Variants in MON1B observed in about 807,000 individuals in gnomAD.
The protein encoded by MON1B is MON1 vesicular trafficking associated B.
MON1B carries 26 observed loss-of-function variants against 45.1 expected under a neutral mutation model. That is an observed-to-expected ratio of 0.58 (90% CI 0.42 to 0.80). The LOEUF (loss-of-function observed/expected upper bound fraction) is 0.80, where lower values mean the gene tolerates loss of function less well. Among genes scored for constraint, MON1B ranks in the 30% least tolerant of loss-of-function variants. MON1B has a pLI of 0.00. For synonymous variants in MON1B, 395 were observed against 320.2 expected (o/e 1.23, Z -2.49); for missense variants, 737 against 754.5 (o/e 0.98, Z 0.27).
In MON1B at chr16:77,195,549, C is replaced by T. The variant is rs539419806; in HGVS notation, c.1310C>T (p.Ala437Val). 6 of 1,613,470 alleles carry T rather than the reference C, an allele frequency of 3.7e-6. No homozygotes were observed. In the Admixed American group the frequency reaches 5.0e-5, roughly 13 times the overall value. ...CATCATGGCAGCCCTGAGCTAGAGG[C>T]CCCCTACAGCAGAGAGGAGGAGCGG... ...LPQFTSPELEAPYSREEERQR... is the reference protein window; with the variant it reads ...LPQFTSPELEVPYSREEERQR... Residue 437 changes from alanine (A) to valine (V), a missense_variant, in exon 5 of 6, where the codon GCC becomes GTC. Ala to Val is a moderately conservative substitution (Grantham distance 64). Transcript: ENST00000248248.
Position 77,194,945 on chromosome 16 carries a change from C to G in MON1B, c.1086C>G (p.Ala362=). The G allele has an allele frequency of 6.2e-7, 1 of 1,613,814 alleles. No homozygotes were observed. The highest frequency in any genetic ancestry group is 1.1e-5 in the South Asian group (1 of 91,076). Residue 362 remains alanine (A), a synonymous_variant, in exon 4 of 6, where the codon GCC becomes GCG. Transcript: ENST00000248248. The surrounding 1 kb of genome is among the most constrained non-coding windows in gnomAD (Gnocchi z 8.1). The part of the protein sequence containing the change: ...LLGTQREAFH[A]MAACRRLVED... Reference sequence around the variant, plus strand: ...GCACCCAACGTGAAGCCTTCCATGCCATGGCCGCCTGCCGGCGCCTGGTTG... The same window carrying G: ...GCACCCAACGTGAAGCCTTCCATGCGATGGCCGCCTGCCGGCGCCTGGTTG...
rs1439108688 is a variant in MON1B, at chr16:77,193,868, C to T, written c.475+91C>T. 1 of 1,368,776 alleles carries T rather than the reference C, an allele frequency of 7.3e-7. No individual in the cohort carries two copies. Among genetic ancestry groups the T allele is most frequent in the Non-Finnish European group, 9.9e-7 (1 of 1,010,494 alleles). The allele number at this position is 1,368,776 out of a possible 1,614,324, so 84.8% of individuals were successfully genotyped here. On this transcript the variant is annotated intron_variant, in intron 3 of 5. Coordinates refer to ENST00000248248, the MANE Select transcript of MON1B (RefSeq NM_014940.4). This position sits in a 1 kb window ranked among gnomAD's most constrained non-coding sequence, Gnocchi z 5.0. ...CTGTCTGCCTCAGGCACTATCCAGCCAGCCAGGGTTGGGTCCATGTGTGTG... is the reference window on the plus strand; with the variant it reads ...CTGTCTGCCTCAGGCACTATCCAGCTAGCCAGGGTTGGGTCCATGTGTGTG...
chr16:77,193,569 T>G lies in MON1B; in HGVS notation c.267T>G (p.Pro89=), dbSNP rs2054634834. ...AAPENSPTCS[P]ESSSGGQGGD... The stretch of plus-strand genomic sequence containing the variant: ...CTGAGAATAGTCCCACATGTAGCCC[T>G]GAGAGTAGCTCTGGAGGCCAGGGCG... The change falls in exon 3 of 6, where the codon CCT becomes CCG. Residue 89 remains proline, a synonymous_variant. Coordinates refer to ENST00000248248, the MANE Select transcript of MON1B (RefSeq NM_014940.4). This position sits in a 1 kb window ranked among gnomAD's most constrained non-coding sequence, Gnocchi z 5.0. 1 of 1,613,910 alleles carries G rather than the reference T, an allele frequency of 6.2e-7. No homozygotes were observed. The highest frequency in any genetic ancestry group is 1.3e-5 in the African/African-American group (1 of 74,916).
chr16:77,194,996 C>G lies in MON1B; in HGVS notation c.1137C>G (p.Ala379=). The change falls in exon 4 of 6, where the codon GCC becomes GCG. Residue 379 remains alanine (A), a synonymous_variant. Coordinates refer to ENST00000248248, the MANE Select transcript of MON1B (RefSeq NM_014940.4). The surrounding 1 kb of genome is among the most constrained non-coding windows in gnomAD (Gnocchi z 8.1). Reference sequence around the variant, plus strand: ...AAGATGGGATGCATGCCCTTGGTGCCATGCGTGCCCTTGGGGAGGCTGCCA... The same window carrying G: ...AAGATGGGATGCATGCCCTTGGTGCGATGCGTGCCCTTGGGGAGGCTGCCA... ...LVEDGMHALG[A]MRALGEAASF... 6.2e-7 allele frequency: 1 copy of G among 1,613,614 alleles called. No individual in the cohort carries two copies. Among genetic ancestry groups the G allele is most frequent in the South Asian group, 1.1e-5 (1 of 91,080 alleles).
intron 5 of MON1B, among the ~76,000 whole-genome samples, chr16:77,197,877 A>C (rs190495162): frequency 2.5e-3 from 377 of 152,272 alleles, no homozygotes; most frequent in African/African-American, 8.7e-3. Flanking sequence ...AGGTCTAGAG[A>C]GTACCCACAC....
rs1262296343 is a variant in MON1B at position 77,193,542 on chromosome 16, C to G, written c.240C>G (p.Ala80=). Reference sequence around the variant, plus strand: ...CCTCTCGGCTCTGGAGTCCTGCAGCCCCTGAGAATAGTCCCACATGTAGCC... The same window carrying G: ...CCTCTCGGCTCTGGAGTCCTGCAGCGCCTGAGAATAGTCCCACATGTAGCC... The part of the protein sequence containing the change: ...SSTSRLWSPA[A]PENSPTCSPE... The change falls in exon 3 of 6, where the codon GCC becomes GCG. Residue 80 remains alanine, a synonymous_variant. Coordinates refer to ENST00000248248, the MANE Select transcript of MON1B (RefSeq NM_014940.4). This position sits in a 1 kb window ranked among gnomAD's most constrained non-coding sequence, Gnocchi z 5.0. 7 of 1,613,720 alleles carry G rather than the reference C, an allele frequency of 4.3e-6. No homozygotes were observed. The highest frequency in any genetic ancestry group is 5.9e-6 in the Non-Finnish European group (7 of 1,179,816).
In MON1B at chr16:77,201,807, A is replaced by G. The variant is rs1391114970; in HGVS notation, c.*3499A>G. On this transcript the variant is annotated 3_prime_UTR_variant, in exon 6 of 6. Coordinates refer to ENST00000248248, the MANE Select transcript of MON1B (RefSeq NM_014940.4). ...TGTATTAAATTATAAGTTCTAATTTAAATGTATTAAAATTAAATTATAAGT... is the reference window on the plus strand; with the variant it reads ...TGTATTAAATTATAAGTTCTAATTTGAATGTATTAAAATTAAATTATAAGT... 12 of 152,324 alleles carry G rather than the reference A, an allele frequency of 7.9e-5. 1 individual carries two copies. Among genetic ancestry groups the G allele is most frequent in the Admixed American group, 7.2e-4 (11 of 15,304 alleles). 9.4% of individuals were successfully genotyped at this position (152,324 alleles called of 1,614,324 possible). A position where few individuals can be genotyped will look rare whatever the true frequency, so the allele number is the denominator to read the frequency against.
chr16:77,199,333 T>A lies in MON1B; in HGVS notation c.*1025T>A. ...CGCCTGCCCAGAGCTGACTCCTGAT[T>A]TAACCGCTGGCGTAACCGCGGGTTG... On this transcript the variant is annotated 3_prime_UTR_variant, in exon 6 of 6. Transcript: ENST00000248248. 1.0e-6 allele frequency: 1 copy of A among 979,200 alleles called. No homozygotes were observed. The highest frequency in any genetic ancestry group is 2.6e-5 in the East Asian group (1 of 37,994). 60.7% of individuals were successfully genotyped at this position (979,200 alleles called of 1,614,324 possible).
intron 5 of MON1B, among the ~76,000 whole-genome samples, chr16:77,197,773 G>GT (rs2054681110): frequency 6.6e-6 from 1 of 152,152 alleles, no homozygotes; most frequent in South Asian, 2.1e-4. Flanking sequence ...TGAAAACATA[G>GT]TTGTAGGAGC....
At position 77,199,322 on chromosome 16, in the gene MON1B, T is replaced by A; in HGVS notation, c.*1014T>A. On this transcript the variant is annotated 3_prime_UTR_variant, in exon 6 of 6. Coordinates refer to ENST00000248248, the MANE Select transcript of MON1B (RefSeq NM_014940.4). ...AGTGTGTTCTGCGCCTGCCCAGAGC[T>A]GACTCCTGATTTAACCGCTGGCGTA... The A allele has an allele frequency of 1.2e-6, 1 of 839,478 alleles. No individual in the cohort carries two copies. Among genetic ancestry groups the A allele is most frequent in the East Asian group, 2.7e-5 (1 of 37,398 alleles). The allele number at this position is 839,478 out of a possible 1,614,324, so 52.0% of individuals were successfully genotyped here.
Position 77,200,291 on chromosome 16 carries a change from T to TATATATATACAC in MON1B, c.*1984_*1985insTATATATACACA. 6 of 111,420 alleles carry TATATATATACAC rather than the reference T, an allele frequency of 5.4e-5. No homozygotes were observed. The highest frequency in any genetic ancestry group is 1.7e-4 in the African/African-American group (5 of 29,724). 6.9% of individuals were successfully genotyped at this position (111,420 alleles called of 1,614,324 possible). On this transcript the variant is annotated 3_prime_UTR_variant, in exon 6 of 6. Transcript: ENST00000248248. ...ATATATGTGTATATATATATATATA[T>TATATATATACAC]ACACACACTAATCAGCCGGGCGCGG...
rs2232501 is a variant in MON1B at position 77,193,388 on chromosome 16, C to T, written c.149-63C>T. On this transcript the variant is annotated intron_variant, in intron 2 of 5. Transcript: ENST00000248248. This position sits in a 1 kb window ranked among gnomAD's most constrained non-coding sequence, Gnocchi z 5.0. Reference sequence around the variant, plus strand: ...GGGGCTAGTAGATATTTGGTGGGTCCTTGGGGATGTGGGATTAGTTAGGAG... The same window carrying T: ...GGGGCTAGTAGATATTTGGTGGGTCTTTGGGGATGTGGGATTAGTTAGGAG... 1,424 of 1,464,474 alleles carry T rather than the reference C, an allele frequency of 9.7e-4. 23 individuals carry two copies. In the East Asian group the frequency reaches 0.027, roughly 28 times the overall value. The allele number at this position is 1,464,474 out of a possible 1,614,324, so 90.7% of individuals were successfully genotyped here.
chr16:77,198,121 T>A lies in MON1B; in HGVS notation c.1457T>A (p.Phe486Tyr). The A allele has an allele frequency of 6.2e-7, 1 of 1,613,992 alleles. No individual in the cohort carries two copies. The highest frequency in any genetic ancestry group is 8.5e-7 in the Non-Finnish European group (1 of 1,179,990). ...CGAAACCCCCAGGTGACCTCCAAAT[T>A]CGAGCTCTATACCTGCCTCAGCCCT... Reference protein sequence around the residue: ...ETLLAWVTSKFELYTCLSPLV... With the variant: ...ETLLAWVTSKYELYTCLSPLV... Residue 486 changes from phenylalanine (F) to tyrosine (Y), a missense_variant, in exon 6 of 6, where the codon TTC becomes TAC. Coordinates refer to ENST00000248248, the MANE Select transcript of MON1B (RefSeq NM_014940.4).
chr16:77,194,086 T>A lies in MON1B; in HGVS notation c.476-249T>A, dbSNP rs2054639425. ...TGGCTCTGTGTCAGCCCTTGTACCA[T>A]CTCTACCCGCCTGCCCGTGGTCTTT... is the stretch of plus-strand genomic sequence containing the variant. On this transcript the variant is annotated intron_variant, in intron 3 of 5. Transcript: ENST00000248248. This position sits in a 1 kb window ranked among gnomAD's most constrained non-coding sequence, Gnocchi z 8.1. 1.7e-6 allele frequency: 1 copy of A among 603,714 alleles called. No homozygotes were observed. The highest frequency in any genetic ancestry group is 2.9e-5 in the Admixed American group (1 of 34,478). 37.4% of individuals were successfully genotyped at this position (603,714 alleles called of 1,614,324 possible). A position where few individuals can be genotyped will look rare whatever the true frequency, so the allele number is the denominator to read the frequency against.
chr16:77,193,680 TG>T lies in MON1B; in HGVS notation c.380del (p.Gly127ValfsTer12). On this transcript the variant is annotated frameshift_variant, in exon 3 of 6. Coordinates refer to ENST00000248248, the MANE Select transcript of MON1B (RefSeq NM_014940.4). LOFTEE classifies it high-confidence loss of function. The surrounding 1 kb of genome is among the most constrained non-coding windows in gnomAD (Gnocchi z 5.0). ...CTGGCAAGCCCATCTACTCGCGGTA[TG>T]GTAGTGTGGAGGCGCTGTCGGCTAC... ...EAGKPIYSRY[G>X]SVEALSATMG... The T allele has an allele frequency of 6.2e-7, 1 of 1,614,038 alleles. No individual in the cohort carries two copies. Among genetic ancestry groups the T allele is most frequent in the Non-Finnish European group, 8.5e-7 (1 of 1,179,960 alleles).
In MON1B at chr16:77,199,530, G is replaced by T; in HGVS notation, c.*1222G>T. 2.6e-6 allele frequency: 4 copies of T among 1,542,864 alleles called. No individual in the cohort carries two copies. Among genetic ancestry groups the T allele is most frequent in the East Asian group, 4.9e-5 (2 of 40,856 alleles). ...GGCTGAAGGTAGTGAGGGCAAGTGGGCTGCACTCCTTTCTCTCCAACCAGG... is the reference window on the plus strand; with the variant it reads ...GGCTGAAGGTAGTGAGGGCAAGTGGTCTGCACTCCTTTCTCTCCAACCAGG... On this transcript the variant is annotated 3_prime_UTR_variant, in exon 6 of 6. Coordinates refer to ENST00000248248, the MANE Select transcript of MON1B (RefSeq NM_014940.4).
intron 1 of MON1B, 71 bp from the exon 2 acceptor site, chr16:77,191,405 G>A: frequency 1.3e-6 from 2 of 1,579,354 alleles, no homozygotes; most frequent in East Asian, 2.2e-5. Flanking sequence ...TGTCCAAGGG[G>A]GCCTGACTCT....
In MON1B at chr16:77,198,193, G is replaced by C; in HGVS notation, c.1529G>C (p.Arg510Pro). ...ATCTTGGTAGTGACCAAACTCCTGC[G>C]CTGGGTGAAGAAAGAGGAGGACCGG... ...GAILVVTKLL[R>P]WVKKEEDRLF... The change falls in exon 6 of 6, where the codon CGC becomes CCC. Residue 510 changes from arginine to proline, a missense_variant. Arg to Pro is a moderately radical substitution (Grantham distance 103, BLOSUM62 -2). Transcript: ENST00000248248. 6.2e-7 allele frequency: 1 copy of C among 1,614,094 alleles called. No individual in the cohort carries two copies. Among genetic ancestry groups the C allele is most frequent in the South Asian group, 1.1e-5 (1 of 91,070 alleles).
intron 2 of MON1B, among the ~76,000 whole-genome samples, chr16:77,192,983 A>C (rs1350837659): frequency 6.6e-6 from 1 of 151,980 alleles, no homozygotes; most frequent in Non-Finnish European, 1.5e-5. Context: ...ATAGGGTAGT[A>C]GCGGGGGTTG....
Sources: allele counts gnomAD v4.1 joint callset (sites outside exome capture counted in the v4.1 genomes callset), GRCh38; gene constraint gnomAD v4.1.1; non-coding constraint Gnocchi (gnomAD v3.1); transcripts MANE v1.5; gene names NCBI Gene and HGNC (gene_info 2026-07-23, HGNC 2026-07-21).